LRRC28: variants seen among roughly 807,000 people sequenced by gnomAD.
LRRC28 encodes leucine-rich repeat-containing protein 28.
LRRC28 carries 39 observed loss-of-function variants against 45.7 expected under a neutral mutation model. The observed-to-expected ratio is 0.85, with a 90% confidence interval of 0.66 to 1.12. LRRC28 has a LOEUF of 1.12. LRRC28 is among the 50% of genes most tolerant of loss of function. LRRC28 has a pLI of 0.00. For synonymous variants in LRRC28, 206 were observed against 178.8 expected (o/e 1.15, Z -1.22); for missense variants, 435 against 438.5 (o/e 0.99, Z 0.07).
intron 5 of LRRC28, among the ~76,000 whole-genome samples, chr15:99,289,729 C>G (rs889165353): frequency 6.7e-6 from 1 of 148,662 alleles, no homozygotes; most frequent in Non-Finnish European, 1.5e-5. Context: ...GTCAGGAGAT[C>G]GAGACCATCC....
Position 99,370,450 on chromosome 15 carries a change from T to TG in LRRC28, c.1031+7187dup, listed in dbSNP as rs568000023. On this transcript the variant is annotated intron_variant, in intron 9 of 9. Transcript: ENST00000301981. ...GTTTGCACTAAAAAGTCCAGAAGGA[T>TG]GGAGCTCCAACTCTTTACTATGAGT... is the stretch of plus-strand genomic sequence containing the variant. 1.4e-4 allele frequency among the ~76,000 whole-genome samples: 21 copies of TG among 152,198 alleles called. 1 individual carries two copies. In the East Asian group the frequency reaches 4.1e-3, roughly 29 times the overall value.
chr15:99,308,628 G>A (rs909119666), intron 5 of LRRC28, among the ~76,000 whole-genome samples: 14 of 152,096 alleles, frequency 9.2e-5, no homozygotes, highest in African/African-American at 2.9e-4. Context: ...ACCTATGAAC[G>A]CTCCACTGCA....
chr15:99,383,348 G>A (rs946698102), intron 9 of LRRC28, among the ~76,000 whole-genome samples: 1 of 152,212 alleles, frequency 6.6e-6, no homozygotes, highest in Admixed American at 6.5e-5. Flanking sequence ...AAGTCCCACT[G>A]TCCCTAGGCT....
intron 6 of LRRC28, 146 bp from the exon 7 acceptor site, chr15:99,352,223 C>CAT (rs1201195540): frequency 1.6e-6 from 1 of 619,852 alleles, no homozygotes; most frequent in Admixed American, 3.1e-5. Flanking sequence ...TAGGCTGACC[C>CAT]ATAACTTACT....
intron 9 of LRRC28, among the ~76,000 whole-genome samples, chr15:99,380,026 G>A (rs1218461106): frequency 6.6e-6 from 1 of 152,182 alleles, no homozygotes; most frequent in African/African-American, 2.4e-5. Flanking sequence ...GATTTGGGGT[G>A]GAGAGTTCTG....
chr15:99,274,466 C>T (rs1400024587), intron 2 of LRRC28, among the ~76,000 whole-genome samples: 3 of 152,088 alleles, frequency 2.0e-5, no homozygotes, highest in Non-Finnish European at 4.4e-5. Context: ...CCTAATGGCC[C>T]AGACATACCA....
chr15:99,316,282 AAAT>A (rs1435505336), intron 5 of LRRC28, among the ~76,000 whole-genome samples: 1 of 152,206 alleles, frequency 6.6e-6, no homozygotes, highest in Non-Finnish European at 1.5e-5. Context: ...AATACAAAGG[AAAT>A]AATTATTTGA....
At chr15:99,341,229 T>TA (rs1279766631) in intron 6 of LRRC28, among the ~76,000 whole-genome samples, 1 of 151,914 alleles carries the variant, frequency 6.6e-6, no homozygotes, top group African/African-American at 2.4e-5. Context: ...TAGCTGGGAT[T>TA]ATAGGCGCAC....
intron 6 of LRRC28, among the ~76,000 whole-genome samples, chr15:99,343,765 C>T (rs977822484): frequency 6.6e-6 from 1 of 152,136 alleles, no homozygotes; most frequent in Non-Finnish European, 1.5e-5. Context: ...GGTTAGTACA[C>T]GAGTGATCTC....
At chr15:99,301,441 T>C (rs1954965644) in intron 5 of LRRC28, among the ~76,000 whole-genome samples, 1 of 152,184 alleles carries the variant, frequency 6.6e-6, no homozygotes, top group Non-Finnish European at 1.5e-5. Flanking sequence ...CCTGTGAAAT[T>C]GCATTTGAAC....
intron 5 of LRRC28, among the ~76,000 whole-genome samples, chr15:99,296,232 T>C (rs1260891735): frequency 6.6e-6 from 1 of 152,200 alleles, no homozygotes; most frequent in African/African-American, 2.4e-5. Context: ...ATTCCCTGTG[T>C]TACAGTTTCT....
Position 99,316,310 on chromosome 15 carries a change from C to T in LRRC28, c.386-17613C>T, listed in dbSNP as rs999349819. ...TAATTATTTGAACAGTAGTTGTATC[C>T]ATGTTTTTGTAGACTCATTTCAAAA... On this transcript the variant is annotated intron_variant, in intron 5 of 9. Transcript: ENST00000301981. Among the ~76,000 whole-genome samples, 4 of 152,010 alleles carry T rather than the reference C, an allele frequency of 2.6e-5. No individual in the cohort carries two copies. In the East Asian group the frequency reaches 7.7e-4, roughly 29 times the overall value.
chr15:99,348,228 C>A (rs75073022), intron 6 of LRRC28, among the ~76,000 whole-genome samples: 4,526 of 152,034 alleles, frequency 0.03, 203 homozygotes, highest in African/African-American at 0.1. Flanking sequence ...AGTAGGTTGC[C>A]TTTTCGTTTT....
intron 8 of LRRC28, 101 bp from the exon 9 acceptor site, chr15:99,363,005 T>TTCAAC: frequency 7.7e-7 from 1 of 1,306,904 alleles, no homozygotes; most frequent in Non-Finnish European, 1.0e-6. Flanking sequence ...ATGAAGTACT[T>TTCAAC]TTAAGTAACT....
chr15:99,373,011 G>A (rs1957526180), intron 9 of LRRC28, among the ~76,000 whole-genome samples: 1 of 147,548 alleles, frequency 6.8e-6, no homozygotes, highest in Non-Finnish European at 1.5e-5. Flanking sequence ...ACAGGAGCAT[G>A]GGGGTAACCA....
intron 3 of LRRC28, chr15:99,285,365 A>G (rs2081929559): frequency 1.3e-6 from 1 of 743,020 alleles, no homozygotes; most frequent in Non-Finnish European, 2.5e-6. Flanking sequence ...CTTTGCATTC[A>G]TGGCTGCATC....
chr15:99,252,290 C>CA (rs1392889662), intron 1 of LRRC28, among the ~76,000 whole-genome samples: 1 of 152,198 alleles, frequency 6.6e-6, no homozygotes, highest in African/African-American at 2.4e-5. Flanking sequence ...ATGCATACTG[C>CA]AAAACTGTGA....
chr15:99,313,601 T>G (rs937537541), intron 5 of LRRC28, among the ~76,000 whole-genome samples: 1 of 152,224 alleles, frequency 6.6e-6, no homozygotes, highest in Admixed American at 6.5e-5. Context: ...TACCATCTGA[T>G]AATCATTTTC....
chr15:99,255,014 T>G (rs1389821221), intron 1 of LRRC28, among the ~76,000 whole-genome samples: 1 of 152,188 alleles, frequency 6.6e-6, no homozygotes, highest in Non-Finnish European at 1.5e-5. Context: ...CTAATGAGAC[T>G]GTGTGGCCCT....
Sources: allele counts gnomAD v4.1 joint callset (sites outside exome capture counted in the v4.1 genomes callset), GRCh38; gene constraint gnomAD v4.1.1; transcripts MANE v1.5; gene names NCBI Gene and HGNC (gene_info 2026-07-23, HGNC 2026-07-21).